The following PTPRN2 variants were observed in gnomAD, a reference collection of about 807,000 sequenced individuals.
PTPRN2 encodes the protein protein tyrosine phosphatase receptor type N2, also known as receptor-type tyrosine-protein phosphatase N2.
Under a neutral mutation model 118.8 loss-of-function variants are expected in PTPRN2, and 74 were observed. The observed-to-expected ratio is 0.62, with a 90% CI of 0.52 to 0.76. The LOEUF (loss-of-function observed/expected upper bound fraction) is 0.76, where lower values mean the gene tolerates loss of function less well. Ranked by LOEUF, PTPRN2 falls within the 30% of genes least tolerant of loss-of-function variation. The pLI is 0.00. For missense variants in PTPRN2, 1,481 were observed against 1,394.4 expected (o/e 1.06, Z -0.99); for synonymous variants, 641 against 608.0 (o/e 1.05, Z -0.80).
chr7:157,809,053 T>C (rs1805807724), intron 12 of PTPRN2, among the ~76,000 whole-genome samples: 1 of 152,318 alleles, frequency 6.6e-6, no homozygotes, highest in Non-Finnish European at 1.5e-5. Context: ...GTGGGCAATT[T>C]TTAAAACTTT....
chr7:158,118,701 T>C (rs1248708622), intron 9 of PTPRN2, among the ~76,000 whole-genome samples: 4 of 152,232 alleles, frequency 2.6e-5, no homozygotes, highest in African/African-American at 9.7e-5. Flanking sequence ...CATGACAGTC[T>C]TTGTTTTCAA....
intron 11 of PTPRN2, among the ~76,000 whole-genome samples, chr7:158,005,517 A>G (rs1805576088): frequency 6.6e-6 from 1 of 152,230 alleles, no homozygotes; most frequent in South Asian, 2.1e-4. Context: ...CACTAATCTA[A>G]CACTGGCTAG....
At chr7:157,810,750 G>C (rs892231060) in intron 12 of PTPRN2, among the ~76,000 whole-genome samples, 1 of 147,092 alleles carries the variant, frequency 6.8e-6, no homozygotes, top group Non-Finnish European at 1.5e-5. Flanking sequence ...CTCTCCACGG[G>C]GACGGCGGGA....
chr7:158,021,118 T>C (rs1489913931), intron 11 of PTPRN2, among the ~76,000 whole-genome samples: 3 of 152,224 alleles, frequency 2.0e-5, no homozygotes, highest in Non-Finnish European at 4.4e-5. Context: ...CCTTTCCACT[T>C]TTCTCACAAA....
chr7:157,760,075 TCCCCCCAA>T (rs1382593460), intron 12 of PTPRN2, among the ~76,000 whole-genome samples: 1 of 152,038 alleles, frequency 6.6e-6, no homozygotes, highest in African/African-American at 2.4e-5. Flanking sequence ...CAGGGTGCTG[TCCCCCCAA>T]CGCCATATCG....
rs1828248191 is a variant in PTPRN2, at chr7:158,574,997, C to G, written c.112+12561G>C. 6.6e-6 allele frequency among the ~76,000 whole-genome samples: 1 copy of G among 152,228 alleles called. No individual in the cohort carries two copies. Among genetic ancestry groups the G allele is most frequent in the Non-Finnish European group, 1.5e-5 (1 of 68,042 alleles). On this transcript the variant is annotated intron_variant, in intron 1 of 22. Transcript: ENST00000389418. This position sits in a 1 kb window ranked among gnomAD's most constrained non-coding sequence, Gnocchi z 4.6. ...AAATTAAAACAGACTTCCATCCTTT[C>G]TTCAAAGGACATATTTTTCTTCCCT...
chr7:158,105,169 T>C (rs1010560528), intron 10 of PTPRN2, among the ~76,000 whole-genome samples: 10 of 145,324 alleles, frequency 6.9e-5, no homozygotes, highest in Admixed American at 6.2e-4. Flanking sequence ...TCCAGTCAGC[T>C]CCATCAAACT....
intron 1 of PTPRN2, among the ~76,000 whole-genome samples, chr7:158,514,700 CT>C (rs1823410492): frequency 6.6e-6 from 1 of 152,184 alleles, no homozygotes; most frequent in Non-Finnish European, 1.5e-5. Flanking sequence ...CAGCTGTTTA[CT>C]GGAATTTGCT....
intron 6 of PTPRN2, among the ~76,000 whole-genome samples, chr7:158,143,390 A>T (rs1265448034): frequency 6.6e-6 from 1 of 152,180 alleles, no homozygotes; most frequent in African/African-American, 2.4e-5. Flanking sequence ...GGCCCTCGGC[A>T]TTGGGCATGG....
intron 3 of PTPRN2, among the ~76,000 whole-genome samples, chr7:158,220,139 C>T (rs1828247104): frequency 6.6e-6 from 1 of 151,942 alleles, no homozygotes; most frequent in Non-Finnish European, 1.5e-5. Context: ...ACAAATTAGG[C>T]ATCAAAGGAC....
intron 12 of PTPRN2, among the ~76,000 whole-genome samples, chr7:157,853,594 T>C (rs1371527258): frequency 2.0e-5 from 3 of 152,084 alleles, no homozygotes; most frequent in African/African-American, 7.2e-5. Flanking sequence ...GGCCTGACCT[T>C]GGAGCAGACA....
At chr7:157,832,461 G>A (rs1216190966) in intron 12 of PTPRN2, among the ~76,000 whole-genome samples, 1 of 152,208 alleles carries the variant, frequency 6.6e-6, no homozygotes. Context: ...GAAATGTAGC[G>A]GTTCTGTTGA....
At chr7:158,449,488 C>G (rs1817951191) in intron 2 of PTPRN2, among the ~76,000 whole-genome samples, 1 of 151,864 alleles carries the variant, frequency 6.6e-6, no homozygotes, top group Non-Finnish European at 1.5e-5. Context: ...TGAGTCCAAA[C>G]AAACACCAAT....
chr7:158,001,572 G>T (rs73522916), intron 11 of PTPRN2, among the ~76,000 whole-genome samples: 2 of 152,010 alleles, frequency 1.3e-5, no homozygotes, highest in Non-Finnish European at 2.9e-5. Flanking sequence ...CCGGGAGGGC[G>T]GCACTTCAGC....
At chr7:157,546,578 C>T (rs1050411026) in intron 22 of PTPRN2, among the ~76,000 whole-genome samples, 1 of 152,212 alleles carries the variant, frequency 6.6e-6, no homozygotes, top group African/African-American at 2.4e-5. Context: ...GGCTTCCAGC[C>T]CCATCCATGT....
chr7:158,138,320 G>A lies in PTPRN2; in HGVS notation c.1106C>T (p.Ala369Val), dbSNP rs2150457067. Residue 369 changes from alanine to valine, a missense_variant, in exon 7 of 23, where the codon GCC becomes GTC. Ala to Val is a moderately conservative substitution (Grantham distance 64). Coordinates refer to ENST00000389418, the MANE Select transcript of PTPRN2 (RefSeq NM_002847.5). ...ESGEQADGPK[A>V]TLRGDSFPDD... ...TGGAAAGCTGTCTCCACGGAGGGTG[G>A]CCTTGGGGCCATCCGCCTGTTCTCC... is the stretch of plus-strand genomic sequence containing the variant. The A allele has an allele frequency of 6.2e-7, 1 of 1,613,370 alleles. No homozygotes were observed. Among genetic ancestry groups the A allele is most frequent in the Non-Finnish European group, 8.5e-7 (1 of 1,180,014 alleles).
At chr7:157,919,867 C>T (rs1243977250) in intron 11 of PTPRN2, among the ~76,000 whole-genome samples, 1 of 152,190 alleles carries the variant, frequency 6.6e-6, no homozygotes, top group Non-Finnish European at 1.5e-5. Flanking sequence ...ATTCCTGTCA[C>T]CTTGCGACGT....
At chr7:157,719,082 G>A (rs149586502) in intron 12 of PTPRN2, among the ~76,000 whole-genome samples, 5,077 of 152,208 alleles carry the variant, frequency 0.033, 113 homozygotes, top group Non-Finnish European at 0.052. Context: ...CATGGCCCCT[G>A]TCCTCCAACA....
intron 2 of PTPRN2, among the ~76,000 whole-genome samples, chr7:158,367,525 G>A (rs1279147660): frequency 1.3e-5 from 2 of 152,196 alleles, no homozygotes; most frequent in Non-Finnish European, 2.9e-5. Flanking sequence ...CACTGTGCTG[G>A]AGTCAGGCTG....
Sources: gnomAD v4.1 joint callset for allele counts (sites outside exome capture counted in the v4.1 genomes callset) on GRCh38, gnomAD v4.1.1 for gene constraint, Gnocchi (gnomAD v3.1) non-coding constraint, MANE v1.5 for transcripts, NCBI Gene and HGNC (gene_info 2026-07-23, HGNC 2026-07-21) for gene names.